Variants in TTC23 observed in about 807,000 individuals in gnomAD.
TTC23 encodes tetratricopeptide repeat protein 23.
Under a neutral mutation model 55.1 loss-of-function variants are expected in TTC23, and 58 were observed. That is an observed-to-expected ratio of 1.05 (90% CI 0.85 to 1.31). The LOEUF is 1.31. Ranked by LOEUF, TTC23 falls within the 50% of genes most tolerant of loss-of-function variation. The probability of loss-of-function intolerance (pLI) is 0.00; values close to 1 mark genes in which losing one functional copy is unlikely to be tolerated. For missense variants in TTC23, 516 were observed against 534.4 expected (o/e 0.97, Z 0.34); for synonymous variants, 203 against 199.9 (o/e 1.02, Z -0.13).
intron 4 of TTC23, among the ~76,000 whole-genome samples, chr15:99,230,195 AG>A (rs1277204530): frequency 2.0e-5 from 3 of 152,234 alleles, no homozygotes; most frequent in African/African-American, 7.2e-5. Context: ...AAGACATGGA[AG>A]AAATAAAAAA....
intron 4 of TTC23, 45 bp from the exon 5 acceptor site, chr15:99,228,777 T>A: frequency 7.2e-7 from 1 of 1,395,084 alleles, no homozygotes; most frequent in Non-Finnish European, 9.6e-7. Flanking sequence ...ATAATTTCCA[T>A]AGTTACTTTT....
chr15:99,146,818 G>T (rs1369507533), intron 12 of TTC23, among the ~76,000 whole-genome samples: 1 of 152,258 alleles, frequency 6.6e-6, no homozygotes, highest in East Asian at 1.9e-4. Context: ...TCAGGAGGGT[G>T]CCTTTTCCCC....
intron 6 of TTC23, 149 bp downstream of exon 6, chr15:99,221,592 T>C (rs973611460): frequency 3.1e-6 from 3 of 978,204 alleles, no homozygotes; most frequent in South Asian, 3.5e-5. Flanking sequence ...TTATATACCT[T>C]ATCAACTCTT....
intron 10 of TTC23, among the ~76,000 whole-genome samples, chr15:99,169,958 C>T (rs1241311590): frequency 6.6e-6 from 1 of 152,222 alleles, no homozygotes; most frequent in East Asian, 1.9e-4. Context: ...AGGCCGCCTG[C>T]ACTCAGCAGG....
intron 9 of TTC23, among the ~76,000 whole-genome samples, chr15:99,190,205 G>GAAA (rs1172995796): frequency 7.0e-6 from 1 of 143,718 alleles, no homozygotes; most frequent in East Asian, 2.1e-4. Context: ...AAGAAAGAAA[G>GAAA]AAAATTCCTG....
At chr15:99,240,691 T>C (rs558339307) in intron 3 of TTC23, among the ~76,000 whole-genome samples, 2 of 152,338 alleles carry the variant, frequency 1.3e-5, no homozygotes, top group East Asian at 3.9e-4. Context: ...AGTAGGTCTC[T>C]GTATCCATTT....
At position 99,138,171 on chromosome 15, in the gene TTC23, C is replaced by T. The variant is rs373186784; in HGVS notation, c.1227-44G>A. 5.7e-5 allele frequency: 92 copies of T among 1,604,132 alleles called. 1 individual carries two copies. Among genetic ancestry groups the T allele is most frequent in the Non-Finnish European group, 2.8e-5 (33 of 1,175,770 alleles). On this transcript the variant is annotated intron_variant, in intron 13 of 13. Transcript: ENST00000394132. ...TGGGGTGAGTGTGGTGCCCCTCAGC[C>T]CCCCACACCGTTCCCATCCAGCCTT...
At chr15:99,174,804 C>T (rs1316663418) in intron 10 of TTC23, among the ~76,000 whole-genome samples, 1 of 152,172 alleles carries the variant, frequency 6.6e-6, no homozygotes, top group Non-Finnish European at 1.5e-5. Context: ...TAACAGCTAA[C>T]ATTTGGATAG....
chr15:99,229,516 C>T (rs1035318739), intron 4 of TTC23, among the ~76,000 whole-genome samples: 1 of 152,100 alleles, frequency 6.6e-6, no homozygotes, highest in African/African-American at 2.4e-5. Flanking sequence ...AGTGGACTAC[C>T]TGAGTTGAGG....
rs953049253 is a variant in TTC23 at position 99,161,723 on chromosome 15, G to C, written c.993+17C>G. 2.5e-6 allele frequency: 4 copies of C among 1,605,182 alleles called. No homozygotes were observed. Among genetic ancestry groups the C allele is most frequent in the Non-Finnish European group, 2.5e-6 (3 of 1,176,874 alleles). On this transcript the variant is annotated intron_variant, in intron 11 of 13. Transcript: ENST00000394132. ...CAACTGTGAATAACTAGACAATTGT[G>C]ATCCAAACTCACTTACCTCTTTTTG...
At chr15:99,181,971 A>C (rs1444986284) in intron 9 of TTC23, among the ~76,000 whole-genome samples, 2 of 152,202 alleles carry the variant, frequency 1.3e-5, no homozygotes, top group Non-Finnish European at 2.9e-5. Flanking sequence ...CTGTATAAGC[A>C]TTAGCAACAA....
At chr15:99,227,206 G>A (rs920669372) in intron 5 of TTC23, among the ~76,000 whole-genome samples, 2 of 152,100 alleles carry the variant, frequency 1.3e-5, no homozygotes, top group Admixed American at 1.3e-4. Context: ...TCCTGTATTT[G>A]TTATACTGAT....
chr15:99,166,794 C>T (rs1274661893), intron 10 of TTC23, among the ~76,000 whole-genome samples: 1 of 152,152 alleles, frequency 6.6e-6, no homozygotes. Flanking sequence ...GGTTCCCAGA[C>T]GGATGTTGTC....
chr15:99,204,767 C>T (rs1405693906), intron 8 of TTC23, among the ~76,000 whole-genome samples: 1 of 150,458 alleles, frequency 6.6e-6, no homozygotes, highest in African/African-American at 2.4e-5. Context: ...CCCAGAGTAG[C>T]TGGGACTATA....
chr15:99,184,349 C>T (rs1057314154), intron 9 of TTC23, among the ~76,000 whole-genome samples: 6 of 152,156 alleles, frequency 3.9e-5, no homozygotes, highest in African/African-American at 4.8e-5. Flanking sequence ...CATAGACACT[C>T]GATGCCAGCC....
At chr15:99,191,089 T>A (rs1224529754) in intron 9 of TTC23, among the ~76,000 whole-genome samples, 2 of 152,110 alleles carry the variant, frequency 1.3e-5, no homozygotes, top group Non-Finnish European at 1.5e-5. Flanking sequence ...CTAGTCTACA[T>A]TTCTTTCTCT....
intron 12 of TTC23, chr15:99,139,793 T>C: frequency 1.6e-6 from 2 of 1,255,402 alleles, no homozygotes; most frequent in South Asian, 1.3e-5. Context: ...AAACACATAC[T>C]CTACTTTTAT....
Position 99,201,127 on chromosome 15 carries a change from T to C in TTC23, c.582-1031A>G, listed in dbSNP as rs533492678. 4.6e-5 allele frequency among the ~76,000 whole-genome samples: 7 copies of C among 152,352 alleles called. 1 individual carries two copies. The highest frequency in any genetic ancestry group is 1.7e-4 in the African/African-American group (7 of 41,588). On this transcript the variant is annotated intron_variant, in intron 8 of 13. Transcript: ENST00000394132. ...TTTACATTTCATGTTTGTGCTTTTC[T>C]AAATTTCCCAAACTTCTATGAAAAT...
intron 9 of TTC23, among the ~76,000 whole-genome samples, chr15:99,193,421 AGTAAG>A: frequency 6.6e-6 from 1 of 152,214 alleles, no homozygotes; most frequent in African/African-American, 2.4e-5. Context: ...TGTGATAGTG[AGTAAG>A]TCTCATGAGA....
Sources: gnomAD v4.1 joint callset for allele counts (sites outside exome capture counted in the v4.1 genomes callset) on GRCh38, gnomAD v4.1.1 for gene constraint, MANE v1.5 for transcripts, NCBI Gene and HGNC (gene_info 2026-07-23, HGNC 2026-07-21) for gene names.